The following PRRX2 variants were observed in gnomAD, a reference collection of about 807,000 sequenced individuals.
PRRX2 encodes the protein paired related homeobox 2.
Under a neutral mutation model 18.0 loss-of-function variants are expected in PRRX2, and 11 were observed. That is an observed-to-expected ratio of 0.61 (90% CI 0.39 to 1.01). The LOEUF is 1.01. Among genes scored for constraint, PRRX2 ranks in the 50% least tolerant of loss-of-function variants. The pLI, the probability that PRRX2 is intolerant of heterozygous loss-of-function variation, is 0.01. For synonymous variants in PRRX2, 177 were observed against 154.8 expected (o/e 1.14, Z -1.06); for missense variants, 387 against 351.0 (o/e 1.10, Z -0.82).
intron 1 of PRRX2, among the ~76,000 whole-genome samples, chr9:129,681,959 G>C (rs149807177): frequency 6.6e-6 from 1 of 152,054 alleles, no homozygotes; most frequent in African/African-American, 2.4e-5. Flanking sequence ...GACTGGAAGC[G>C]TATGGGCTGC....
chr9:129,670,429 C>G (rs1480137101), intron 1 of PRRX2, among the ~76,000 whole-genome samples: 1 of 152,026 alleles, frequency 6.6e-6, no homozygotes, highest in Non-Finnish European at 1.5e-5. Flanking sequence ...GGTTGGAGTA[C>G]AGTGGTGTGA....
chr9:129,718,217 C>T (rs987116977), intron 1 of PRRX2, among the ~76,000 whole-genome samples: 4 of 152,156 alleles, frequency 2.6e-5, no homozygotes, highest in African/African-American at 4.8e-5. Context: ...GGATCCTCCA[C>T]CGCCCCTGCT....
rs1212502315 is a variant in PRRX2 at position 129,709,715 on chromosome 9, A to G, written c.260-9516A>G. Among the ~76,000 whole-genome samples, 1 of 152,134 alleles carries G rather than the reference A, an allele frequency of 6.6e-6. No individual in the cohort carries two copies. Among genetic ancestry groups the G allele is most frequent in the Non-Finnish European group, 1.5e-5 (1 of 68,008 alleles). On this transcript the variant is annotated intron_variant, in intron 1 of 3. Coordinates refer to ENST00000372469, the MANE Select transcript of PRRX2 (RefSeq NM_016307.4). This position sits in a 1 kb window ranked among gnomAD's most constrained non-coding sequence, Gnocchi z 4.2. ...CGTCACGGGTTTTTGTTCAAAATTA[A>G]TGAGGTGAAACATTCTTAAAAGTGT...
intron 1 of PRRX2, chr9:129,718,581 T>G (rs1406378617): frequency 6.6e-6 from 1 of 152,168 alleles, no homozygotes; most frequent in African/African-American, 2.4e-5. Flanking sequence ...ACCCGATTGG[T>G]GGGTTCAGAT....
chr9:129,719,217 C>A lies in PRRX2; in HGVS notation c.260-14C>A, dbSNP rs771071390. ...GCCGTCCTGCTGACCATCCCGCCCC[C>A]CCAACCTCCGCAGGTGAGTGTCCCA... is the stretch of plus-strand genomic sequence containing the variant. On this transcript the variant is annotated splice_polypyrimidine_tract_variant and intron_variant, in intron 1 of 3. Transcript: ENST00000372469. 28 of 1,558,486 alleles carry A rather than the reference C, an allele frequency of 1.8e-5. No individual in the cohort carries two copies. The highest frequency in any genetic ancestry group is 1.1e-4 in the Admixed American group (6 of 53,904).
In PRRX2 at chr9:129,675,145, C is replaced by T. The variant is rs960216609; in HGVS notation, c.259+9019C>T. 2.0e-5 allele frequency among the ~76,000 whole-genome samples: 3 copies of T among 152,116 alleles called. No homozygotes were observed. Among genetic ancestry groups the T allele is most frequent in the African/African-American group, 2.4e-5 (1 of 41,400 alleles). ...GGCTGGCTCTGGACCTGGAAGGGCC[C>T]GGAAGTGTCCAGTATACAGGAGAGG... On this transcript the variant is annotated intron_variant, in intron 1 of 3. Transcript: ENST00000372469. The surrounding 1 kb of genome is among the most constrained non-coding windows in gnomAD (Gnocchi z 4.4).
intron 1 of PRRX2, among the ~76,000 whole-genome samples, chr9:129,684,973 C>G (rs1832285064): frequency 6.6e-6 from 1 of 152,224 alleles, no homozygotes; most frequent in Non-Finnish European, 1.5e-5. Flanking sequence ...TCAAAGCAAC[C>G]AGGAGGCCTG....
At chr9:129,702,423 A>C (rs1385840191) in intron 1 of PRRX2, among the ~76,000 whole-genome samples, 1 of 151,998 alleles carries the variant, frequency 6.6e-6, no homozygotes, top group Non-Finnish European at 1.5e-5. Flanking sequence ...ACTTTCTAGA[A>C]CTCTCTGTGA....
chr9:129,719,389 C>T lies in PRRX2; in HGVS notation c.418C>T (p.Arg140Cys). The T allele has an allele frequency of 6.5e-7, 1 of 1,550,386 alleles. No individual in the cohort carries two copies. Residue 140 changes from arginine (R) to cysteine (C), a missense_variant, in exon 2 of 4, where the codon CGC becomes TGC. By Grantham distance (180) the Arg-to-Cys change is radical. Transcript: ENST00000372469. Reference sequence around the variant, plus strand: ...CTTTGTGCGCGAGGAGCTTGCCCGGCGCGTCAACCTCAGCGAGGCGCGCGT... The same window carrying T: ...CTTTGTGCGCGAGGAGCTTGCCCGGTGCGTCAACCTCAGCGAGGCGCGCGT... ...DAFVREELAR[R>C]VNLSEARVQV...
At chr9:129,668,120 C>G (rs917402676) in intron 1 of PRRX2, among the ~76,000 whole-genome samples, 1 of 152,130 alleles carries the variant, frequency 6.6e-6, no homozygotes, top group Non-Finnish European at 1.5e-5. Flanking sequence ...GGGGTGTGGC[C>G]CGGATCTGGG....
At chr9:129,681,506 C>T (rs1376850350) in intron 1 of PRRX2, among the ~76,000 whole-genome samples, 1 of 151,854 alleles carries the variant, frequency 6.6e-6, no homozygotes, top group East Asian at 1.9e-4. Context: ...GGCGACAGAG[C>T]AAGACTCCAT....
rs1265715706 is a variant in PRRX2, at chr9:129,695,606, T to C, written c.260-23625T>C. Among the ~76,000 whole-genome samples, 8 of 152,258 alleles carry C rather than the reference T, an allele frequency of 5.3e-5. No individual in the cohort carries two copies. In the East Asian group the frequency reaches 1.4e-3, roughly 26 times the overall value. ...AGCCCCCAGCTGGCAGGCACCTCCC[T>C]TTCCTGGCCCACGCTGCTCTTCCTC... On this transcript the variant is annotated intron_variant, in intron 1 of 3. Transcript: ENST00000372469. The surrounding 1 kb of genome is among the most constrained non-coding windows in gnomAD (Gnocchi z 4.8).
chr9:129,684,524 CCACACACA>C (rs796482215), intron 1 of PRRX2, among the ~76,000 whole-genome samples: 939 of 45,062 alleles, frequency 0.021, 18 homozygotes, highest in African/African-American at 0.057. Flanking sequence ...ACACACACAC[CCACACACA>C]CCCCAACAGA....
chr9:129,665,963 C>G lies in PRRX2; in HGVS notation c.96C>G (p.Ala32=). Residue 32 remains alanine (A), a synonymous_variant, in exon 1 of 4, where the codon GCC becomes GCG. Coordinates refer to ENST00000372469, the MANE Select transcript of PRRX2 (RefSeq NM_016307.4). The surrounding 1 kb of genome is among the most constrained non-coding windows in gnomAD (Gnocchi z 5.3). ...PPPALGPGDC[A]QARKNFSVSH... ...CCGCGCTGGGGCCCGGCGACTGCGCCCAGGCGCGCAAGAACTTCTCGGTGA... is the reference window on the plus strand; with the variant it reads ...CCGCGCTGGGGCCCGGCGACTGCGCGCAGGCGCGCAAGAACTTCTCGGTGA... 8.7e-7 allele frequency: 1 copy of G among 1,143,646 alleles called. No homozygotes were observed. Among genetic ancestry groups the G allele is most frequent in the Non-Finnish European group, 1.1e-6 (1 of 925,054 alleles). 70.8% of individuals were successfully genotyped at this position (1,143,646 alleles called of 1,614,324 possible).
At chr9:129,720,131 C>T (rs950327973) in intron 2 of PRRX2, among the ~76,000 whole-genome samples, 1 of 152,048 alleles carries the variant, frequency 6.6e-6, no homozygotes, top group Non-Finnish European at 1.5e-5. Flanking sequence ...GAGTGCTCAG[C>T]AAGCGCCTCT....
chr9:129,673,702 G>A (rs925919637), intron 1 of PRRX2, among the ~76,000 whole-genome samples: 3 of 150,110 alleles, frequency 2.0e-5, no homozygotes, highest in Admixed American at 6.6e-5. Flanking sequence ...CCCTCATCAC[G>A]AGGGCTCCAG....
At chr9:129,721,308 C>T (rs1016417077) in intron 3 of PRRX2, among the ~76,000 whole-genome samples, 1 of 152,084 alleles carries the variant, frequency 6.6e-6, no homozygotes, top group Non-Finnish European at 1.5e-5. Flanking sequence ...GGGCCCAGAG[C>T]CAAGTTCTGG....
At chr9:129,694,171 C>T (rs1832393857) in intron 1 of PRRX2, among the ~76,000 whole-genome samples, 1 of 152,128 alleles carries the variant, frequency 6.6e-6, no homozygotes, top group East Asian at 1.9e-4. Flanking sequence ...CACGTCTCCC[C>T]TTTAATTTTC....
intron 1 of PRRX2, among the ~76,000 whole-genome samples, chr9:129,686,077 G>GCAGAGTA (rs1832296527): frequency 1.3e-5 from 2 of 152,240 alleles, no homozygotes; most frequent in Non-Finnish European, 2.9e-5. Flanking sequence ...ACTGGAAGTA[G>GCAGAGTA]CAGAGTACCA....
Sources: gnomAD v4.1 joint callset for allele counts (sites outside exome capture counted in the v4.1 genomes callset) on GRCh38, gnomAD v4.1.1 for gene constraint, Gnocchi (gnomAD v3.1) non-coding constraint, MANE v1.5 for transcripts, NCBI Gene and HGNC (gene_info 2026-07-23, HGNC 2026-07-21) for gene names.